Variants in PLXNA1 observed in about 807,000 individuals in gnomAD.
PLXNA1 encodes the protein plexin A1.
Under a neutral mutation model 191.7 loss-of-function variants are expected in PLXNA1, and 77 were observed. The ratio of observed to expected loss-of-function variants is 0.40; its 90% CI spans 0.33 to 0.49. The LOEUF is 0.49. Among genes scored for constraint, PLXNA1 ranks in the 20% least tolerant of loss-of-function variants. The probability of loss-of-function intolerance (pLI) is 0.63; values close to 1 mark genes in which losing one functional copy is unlikely to be tolerated. For synonymous variants in PLXNA1, 1,137 were observed against 1,156.4 expected (o/e 0.98, Z 0.34); for missense variants, 2,110 against 2,660.2 (o/e 0.79, Z 4.55).
intron 31 of PLXNA1, among the ~76,000 whole-genome samples, chr3:127,033,462 G>T (rs2079222967): frequency 6.6e-6 from 1 of 152,154 alleles, no homozygotes; most frequent in African/African-American, 2.4e-5. Context: ...GGGTGCCACA[G>T]GAGGCAGACA....
chr3:127,025,408 C>T (rs2079172439), intron 23 of PLXNA1, among the ~76,000 whole-genome samples: 1 of 152,160 alleles, frequency 6.6e-6, no homozygotes. Flanking sequence ...TTGCTCATTT[C>T]TTTGTAGTGT....
In PLXNA1 at chr3:127,033,882, C is replaced by T. The variant is rs145070561; in HGVS notation, c.5596-40C>T. 2.3e-3 allele frequency: 3,499 copies of T among 1,528,006 alleles called. 16 individuals carry two copies. Among genetic ancestry groups the T allele is most frequent in the Middle Eastern group, 6.0e-3 (35 of 5,874 alleles). 94.7% of individuals were successfully genotyped at this position (1,528,006 alleles called of 1,614,324 possible). ...CCTGGGCCTGCTGAGTGCATGGAGG[C>T]TGGTGGCCCGGCATGCTGACAGTTC... On this transcript the variant is annotated intron_variant, in intron 31 of 31. Coordinates refer to ENST00000393409, the MANE Select transcript of PLXNA1 (RefSeq NM_032242.4).
At position 127,034,897 on chromosome 3, in the gene PLXNA1, C is replaced by G. The variant is rs1420665578; in HGVS notation, c.*880C>G. On this transcript the variant is annotated 3_prime_UTR_variant, in exon 32 of 32. Coordinates refer to ENST00000393409, the MANE Select transcript of PLXNA1 (RefSeq NM_032242.4). Reference sequence around the variant, plus strand: ...GTCTTCAAGGGTAGGCTGAGCTCCCCACCCTGGAGCCCCTGAGGGCGGCCC... The same window carrying G: ...GTCTTCAAGGGTAGGCTGAGCTCCCGACCCTGGAGCCCCTGAGGGCGGCCC... 1 of 152,744 alleles carries G rather than the reference C, an allele frequency of 6.5e-6. No homozygotes were observed. Among genetic ancestry groups the G allele is most frequent in the Non-Finnish European group, 1.5e-5 (1 of 68,114 alleles). 9.5% of individuals were successfully genotyped at this position (152,744 alleles called of 1,614,324 possible).
chr3:127,011,211 G>A (rs1156271285), intron 9 of PLXNA1, among the ~76,000 whole-genome samples: 1 of 152,240 alleles, frequency 6.6e-6, no homozygotes, highest in African/African-American at 2.4e-5. Context: ...GCTGCAAGGT[G>A]CCACCACCTG....
chr3:127,013,972 C>A, intron 10 of PLXNA1, 48 bp from the exon 11 acceptor site: 1 of 1,560,374 alleles, frequency 6.4e-7, no homozygotes, highest in Non-Finnish European at 8.8e-7. Flanking sequence ...GCTTGGGAGG[C>A]CTGGAGGCCG....
chr3:127,030,878 G>C (rs1039179317), intron 29 of PLXNA1, among the ~76,000 whole-genome samples: 1 of 152,188 alleles, frequency 6.6e-6, no homozygotes, highest in African/African-American at 2.4e-5. Flanking sequence ...CGCAGAGGCC[G>C]AGCCACTTGC....
At chr3:127,032,310 A>T in intron 29 of PLXNA1, 77 bp from the exon 30 acceptor site, 1 of 1,445,026 alleles carries the variant, frequency 6.9e-7, no homozygotes, top group Non-Finnish European at 9.5e-7. Context: ...TTGGATTCGG[A>T]GCTGGGAGGG....
rs373739060 is a variant in PLXNA1, at chr3:127,033,891, C to T, written c.5596-31C>T. On this transcript the variant is annotated intron_variant, in intron 31 of 31. Coordinates refer to ENST00000393409, the MANE Select transcript of PLXNA1 (RefSeq NM_032242.4). ...GCTGAGTGCATGGAGGCTGGTGGCC[C>T]GGCATGCTGACAGTTCTCCTGGCCC... 3.8e-4 allele frequency: 597 copies of T among 1,553,808 alleles called. 6 individuals carry two copies. Among genetic ancestry groups the T allele is most frequent in the Middle Eastern group, 1.7e-4 (1 of 5,940 alleles).
rs562065520 is a variant in PLXNA1 at position 126,988,753 on chromosome 3, C to T, written c.160C>T (p.Leu54=). The change falls in exon 2 of 32, where the codon CTA becomes TTA. Residue 54 remains leucine (L), a synonymous_variant. Coordinates refer to ENST00000393409, the MANE Select transcript of PLXNA1 (RefSeq NM_032242.4). ...FSASDWGLTH[L]VVHEQTGEVY... ...GGCCAGCGACTGGGGCCTCACCCAC[C>T]TAGTGGTGCATGAGCAGACAGGCGA... The T allele has an allele frequency of 4.4e-6, 7 of 1,597,962 alleles. No individual in the cohort carries two copies. The East Asian group carries it at 1.1e-4, about 26-fold the overall frequency.
intron 2 of PLXNA1, among the ~76,000 whole-genome samples, chr3:126,990,846 G>A (rs1040402228): frequency 1.3e-5 from 2 of 152,190 alleles, no homozygotes; most frequent in African/African-American, 4.8e-5. Flanking sequence ...GGCTTGTAGG[G>A]GCAGAGCCTG....
At chr3:126,996,259 C>T (rs73861740) in intron 3 of PLXNA1, among the ~76,000 whole-genome samples, 5,507 of 152,258 alleles carry the variant, frequency 0.036, 317 homozygotes, top group African/African-American at 0.12. Flanking sequence ...ATCTTCCTCT[C>T]TGCAGACAGC....
intron 21 of PLXNA1, 139 bp downstream of exon 21, chr3:127,020,483 G>C: frequency 9.0e-7 from 1 of 1,105,326 alleles, no homozygotes; most frequent in Non-Finnish European, 1.3e-6. Context: ...CAGGGCTCTG[G>C]GCTCAGCCAA....
In PLXNA1 at chr3:127,003,319, T is replaced by C. The variant is rs1559957259; in HGVS notation, c.1378-11T>C. The C allele has an allele frequency of 1.3e-6, 2 of 1,584,268 alleles. No individual in the cohort carries two copies. The highest frequency in any genetic ancestry group is 1.7e-6 in the Non-Finnish European group (2 of 1,160,044). ...CAGCACAGCTCCAGTTAGGGCCCCT[T>C]GCTGCCGCAGATCCTGGTGGACCTC... On this transcript the variant is annotated splice_polypyrimidine_tract_variant and intron_variant, in intron 3 of 31. Coordinates refer to ENST00000393409, the MANE Select transcript of PLXNA1 (RefSeq NM_032242.4).
At chr3:127,030,527 C>A in intron 29 of PLXNA1, 115 bp downstream of exon 29, 1 of 1,287,830 alleles carries the variant, frequency 7.8e-7, no homozygotes, top group Non-Finnish European at 1.1e-6. Context: ...GGCGTGGGGA[C>A]ACAACCCAGC....
At chr3:127,020,836 T>C (rs977870810) in intron 21 of PLXNA1, among the ~76,000 whole-genome samples, 11 of 152,218 alleles carry the variant, frequency 7.2e-5, no homozygotes, top group African/African-American at 2.4e-4. Context: ...GGGTGCCTGA[T>C]GAAGTCTGCT....
chr3:126,983,500 C>T (rs1028251404), intron 1 of PLXNA1, among the ~76,000 whole-genome samples: 14 of 146,272 alleles, frequency 9.6e-5, no homozygotes, highest in African/African-American at 3.2e-4. Flanking sequence ...CCTGCGGCTC[C>T]GGCCCAGGCG....
At chr3:127,005,582 G>A (rs2079063150) in intron 7 of PLXNA1, among the ~76,000 whole-genome samples, 8 of 152,206 alleles carry the variant, frequency 5.3e-5, no homozygotes, top group Admixed American at 5.2e-4. Flanking sequence ...CATCCCTACT[G>A]GCATTAAGGT....
intron 31 of PLXNA1, among the ~76,000 whole-genome samples, chr3:127,033,648 G>T (rs2079223899): frequency 6.6e-6 from 1 of 152,170 alleles, no homozygotes; most frequent in South Asian, 2.1e-4. Flanking sequence ...AAACCCCAGG[G>T]TGTGAGGACT....
chr3:126,983,984 G>A (rs947923028), intron 1 of PLXNA1, among the ~76,000 whole-genome samples: 6 of 152,294 alleles, frequency 3.9e-5, no homozygotes, highest in Admixed American at 3.9e-4. Context: ...CGCCCAGGAG[G>A]CCGCCCCGCT....
Sources: gnomAD v4.1 joint callset for allele counts (sites outside exome capture counted in the v4.1 genomes callset) on GRCh38, gnomAD v4.1.1 for gene constraint, MANE v1.5 for transcripts, NCBI Gene and HGNC (gene_info 2026-07-23, HGNC 2026-07-21) for gene names.